TENM2: variants seen among roughly 807,000 people sequenced by gnomAD.
The protein encoded by TENM2 is teneurin-2.
A neutral mutation model predicts 245.2 loss-of-function variants in TENM2; 52 were observed. The observed-to-expected ratio is 0.21, with a 90% CI of 0.17 to 0.27. The LOEUF (loss-of-function observed/expected upper bound fraction) is 0.27. Among genes scored for constraint, TENM2 ranks in the 10% least tolerant of loss-of-function variants. TENM2 has a pLI of 1.00. For missense variants in TENM2, 3,046 were observed against 3,666.8 expected (o/e 0.83, Z 4.37); for synonymous variants, 1,363 against 1,438.9 (o/e 0.95, Z 1.19).
In TENM2 at chr5:168,262,179, C is replaced by T. The variant is rs374088936; in HGVS notation, c.7694C>T (p.Thr2565Met). 5.7e-5 allele frequency: 92 copies of T among 1,612,558 alleles called. No individual in the cohort carries two copies. The highest frequency in any genetic ancestry group is 2.2e-4 in the South Asian group (20 of 90,848). The change falls in exon 29 of 29, where the codon ACG (threonine) becomes ATG (methionine). Residue 2565 changes from threonine (T) to methionine (M), a missense_variant. Thr to Met is a moderately conservative substitution (Grantham distance 81, BLOSUM62 -1). Around this residue, in one of 2 missense-constraint regions of TENM2, gnomAD observed 2,704 missense variants for 3,331.9 expected, o/e 0.81. Transcript: ENST00000518659. ...GCAGGTCACTGGTTTGCCACCACCACGCCCATCATTGGCAAAGGCATCATG... is the reference window on the plus strand; with the variant it reads ...GCAGGTCACTGGTTTGCCACCACCATGCCCATCATTGGCAAAGGCATCATG...
At chr5:167,765,085 C>G (rs1762921205) in intron 2 of TENM2, among the ~76,000 whole-genome samples, 1 of 152,132 alleles carries the variant, frequency 6.6e-6, no homozygotes. Context: ...GCATTTTTCA[C>G]TCCTCCCAGA....
chr5:167,964,879 T>C (rs184610109), intron 4 of TENM2, among the ~76,000 whole-genome samples: 4 of 152,270 alleles, frequency 2.6e-5, no homozygotes, highest in Admixed American at 2.6e-4. Context: ...TCGAGAACAA[T>C]TAAAAGTCAC....
rs1759321624 is a variant in TENM2 at position 167,356,217 on chromosome 5, A to AAAAAAAAAAAAAAGAAAAATT, written c.227-18977_227-18976insAAAAAAAAAGAAAAATTAAAA. On this transcript the variant is annotated intron_variant, in intron 1 of 28. Transcript: ENST00000518659. ...AAAAAAAAAAAAAAAAAAAAAAAAA[A>AAAAAAAAAAAAAAGAAAAATT]AAAATTAAAATTAAAAAAAAGGCAG... is the stretch of plus-strand genomic sequence containing the variant. Among the ~76,000 whole-genome samples, 30 of 129,168 alleles carry AAAAAAAAAAAAAAGAAAAATT rather than the reference A, an allele frequency of 2.3e-4. 1 individual carries two copies. Among genetic ancestry groups the AAAAAAAAAAAAAAGAAAAATT allele is most frequent in the African/African-American group, 9.3e-4 (29 of 31,250 alleles). 84.7% of individuals were successfully genotyped at this position (129,168 alleles called of 152,430 possible). A position where few individuals can be genotyped will look rare whatever the true frequency, so the allele number is the denominator to read the frequency against.
chr5:167,147,685 G>A, the TENM2 span, among the ~76,000 whole-genome samples: 8 of 152,030 alleles, frequency 5.3e-5, no homozygotes, highest in East Asian at 3.9e-4. Context: ...GGAAACACCC[G>A]TAAGTTTCTG....
chr5:168,000,710 GAGAT>G (rs1213696197), intron 5 of TENM2, among the ~76,000 whole-genome samples: 1 of 152,164 alleles, frequency 6.6e-6, no homozygotes, highest in Non-Finnish European at 1.5e-5. Flanking sequence ...TATTTGGAAA[GAGAT>G]AGGCACAGGC....
chr5:167,876,731 TG>T (rs1195938288), intron 3 of TENM2, among the ~76,000 whole-genome samples: 3 of 152,150 alleles, frequency 2.0e-5, no homozygotes, highest in African/African-American at 4.8e-5. Context: ...CTGAAGTGTT[TG>T]GGGGGTGACC....
chr5:167,822,787 G>A (rs1398249014), intron 2 of TENM2, among the ~76,000 whole-genome samples: 1 of 152,170 alleles, frequency 6.6e-6, no homozygotes, highest in African/African-American at 2.4e-5. Flanking sequence ...TAATTGTAGG[G>A]GGGCTATTAG....
chr5:168,173,494 G>T (rs1001843227), intron 13 of TENM2, among the ~76,000 whole-genome samples: 1 of 151,880 alleles, frequency 6.6e-6, no homozygotes, highest in Non-Finnish European at 1.5e-5. Flanking sequence ...CTTCACTTTC[G>T]CCCCCTCAGC....
At chr5:168,199,883 A>G in exon 17 of TENM2, 1 of 1,613,824 alleles carries the variant, frequency 6.2e-7, no homozygotes, top group East Asian at 2.2e-5. Flanking sequence ...GAAGAAATCG[A>G]GCTCCCTGGT....
chr5:168,083,207 T>G (rs1478178700), intron 7 of TENM2, among the ~76,000 whole-genome samples: 10 of 152,172 alleles, frequency 6.6e-5, no homozygotes, highest in Admixed American at 6.5e-4. Context: ...CAGACTGCTG[T>G]GCCAGCAATA....
chr5:167,136,134 T>A, the TENM2 span, among the ~76,000 whole-genome samples: 1 of 152,228 alleles, frequency 6.6e-6, no homozygotes, highest in African/African-American at 2.4e-5. Flanking sequence ...GCCAAGTCTT[T>A]TGTAAATTTA....
At chr5:167,057,025 T>C in the TENM2 span, among the ~76,000 whole-genome samples, 2 of 152,106 alleles carry the variant, frequency 1.3e-5, no homozygotes, top group Non-Finnish European at 2.9e-5. Flanking sequence ...TTTTTTTCCA[T>C]GTGCTGTTCT....
chr5:167,425,209 T>C (rs141548222), intron 2 of TENM2, among the ~76,000 whole-genome samples: 9 of 152,300 alleles, frequency 5.9e-5, no homozygotes, highest in Non-Finnish European at 1.3e-4. Context: ...CAGATGAGGA[T>C]AGTATAAAAC....
intron 1 of TENM2, among the ~76,000 whole-genome samples, chr5:167,371,442 A>G (rs1037602859): frequency 7.4e-5 from 11 of 148,278 alleles, no homozygotes; most frequent in African/African-American, 2.8e-4. Flanking sequence ...GCTCACCACA[A>G]CCTCCGCCTT....
At chr5:167,895,704 C>T (rs1775162669) in intron 3 of TENM2, among the ~76,000 whole-genome samples, 1 of 152,222 alleles carries the variant, frequency 6.6e-6, no homozygotes, top group African/African-American at 2.4e-5. Flanking sequence ...TTCTAGCAGG[C>T]TCCCAGGTGA....
Position 167,838,427 on chromosome 5 carries a change from T to C in TENM2, c.503-37559T>C, listed in dbSNP as rs190841415. 1.1e-4 allele frequency among the ~76,000 whole-genome samples: 16 copies of C among 152,324 alleles called. No homozygotes were observed. In the East Asian group the frequency reaches 3.1e-3, roughly 29 times the overall value. ...AGTGGCCATGTTTCTTCATAACTTTTTGGACTAGTTCAACAGGGACATGAA... is the reference window on the plus strand; with the variant it reads ...AGTGGCCATGTTTCTTCATAACTTTCTGGACTAGTTCAACAGGGACATGAA... On this transcript the variant is annotated intron_variant, in intron 2 of 28. Coordinates refer to ENST00000518659, the Ensembl canonical transcript of TENM2.
chr5:168,158,850 TACACACACAC>T (rs764713880), intron 12 of TENM2, among the ~76,000 whole-genome samples: 3 of 62,338 alleles, frequency 4.8e-5, no homozygotes, highest in Non-Finnish European at 9.4e-5. Flanking sequence ...TATATATATA[TACACACACAC>T]ACACACACAT....
chr5:167,452,419 T>C (rs1205162402), intron 2 of TENM2, among the ~76,000 whole-genome samples: 1 of 152,138 alleles, frequency 6.6e-6, no homozygotes, highest in Non-Finnish European at 1.5e-5. Context: ...TCTCTTATGG[T>C]TGGGAACAGA....
chr5:167,156,992 T>C, the TENM2 span, among the ~76,000 whole-genome samples: 1 of 152,230 alleles, frequency 6.6e-6, no homozygotes, highest in East Asian at 1.9e-4. Flanking sequence ...CCACATTTTT[T>C]TTAATTTTTA....
Sources: gnomAD v4.1 joint callset for allele counts (sites outside exome capture counted in the v4.1 genomes callset) on GRCh38, gnomAD v4.1.1 for gene constraint, gnomAD v4.1.1 regional missense constraint, MANE v1.5 for transcripts, NCBI Gene and HGNC (gene_info 2026-07-23, HGNC 2026-07-21) for gene names.